Variants in PLCH2 observed in about 807,000 individuals in gnomAD.
The protein encoded by PLCH2 is phospholipase C eta 2.
PLCH2 carries 98 observed loss-of-function variants against 134.7 expected under a neutral mutation model. The observed-to-expected ratio is 0.73, with a 90% CI of 0.62 to 0.86. The LOEUF (loss-of-function observed/expected upper bound fraction) is 0.86. PLCH2 is among the 40% of genes least tolerant of loss of function. PLCH2 has a pLI of 0.00. For synonymous variants in PLCH2, 974 were observed against 827.5 expected (o/e 1.18, Z -3.04); for missense variants, 1,994 against 1,986.6 (o/e 1.00, Z -0.07).
At chr1:2,471,738 G>A (rs1292553051), upstream of PLCH2, among the ~76,000 whole-genome samples, 5 of 152,102 alleles carry the variant, frequency 3.3e-5, no homozygotes, top group South Asian at 2.1e-4. Context: ...CTGTCCCCAC[G>A]CTCTAGGACA....
At chr1:2,416,618 G>A in the PLCH2 span, among the ~76,000 whole-genome samples, 2 of 152,250 alleles carry the variant, frequency 1.3e-5, no homozygotes, top group South Asian at 2.1e-4. Flanking sequence ...GCACAGTCAG[G>A]CAGAGGCCCC....
At chr1:2,461,159 G>A (rs1055924415) in intron 2 of PLCH2, among the ~76,000 whole-genome samples, 5 of 152,338 alleles carry the variant, frequency 3.3e-5, no homozygotes, top group South Asian at 4.1e-4. Context: ...ACTGGACTCC[G>A]TGCCAGGCTG....
At chr1:2,503,769 G>T (rs745370386) in intron 21 of PLCH2, 153 bp from the exon 22 acceptor site, 3 of 615,572 alleles carry the variant, frequency 4.9e-6, no homozygotes, top group Non-Finnish European at 8.8e-6. Flanking sequence ...GCGCCCGGGG[G>T]ATGCCTCGGG....
At chr1:2,476,229 C>T (rs559732265), upstream of PLCH2, 31 of 199,658 alleles carry the variant, frequency 1.6e-4, no homozygotes, top group East Asian at 3.4e-3. Flanking sequence ...AAATCCTCCA[C>T]CAGCTGGGCT....
At chr1:2,456,108 G>A (rs958595602) in intron 2 of PLCH2, among the ~76,000 whole-genome samples, 4 of 152,218 alleles carry the variant, frequency 2.6e-5, no homozygotes, top group African/African-American at 7.2e-5. Flanking sequence ...TGTGGGTGGC[G>A]GTGTTGATGC....
chr1:2,488,765 T>A (rs1225721120), intron 8 of PLCH2, among the ~76,000 whole-genome samples: 1 of 152,244 alleles, frequency 6.6e-6, no homozygotes, highest in Non-Finnish European at 1.5e-5. Context: ...GGGACCAATG[T>A]CAGGACCCCA....
upstream of PLCH2, among the ~76,000 whole-genome samples, chr1:2,474,848 C>G (rs1032321901): frequency 2.6e-5 from 4 of 152,172 alleles, no homozygotes; most frequent in African/African-American, 9.7e-5. Context: ...CTATGGCCGT[C>G]TGGTCTGTCT....
chr1:2,500,070 G>A (rs965134988), intron 20 of PLCH2: 1 of 374,316 alleles, frequency 2.7e-6, no homozygotes, highest in African/African-American at 2.0e-5. Flanking sequence ...TCTCAGCAGG[G>A]ACCGAGTGAT....
intron 4 of PLCH2, among the ~76,000 whole-genome samples, chr1:2,482,142 G>C (rs761099059): frequency 6.6e-6 from 1 of 152,258 alleles, no homozygotes; most frequent in Non-Finnish European, 1.5e-5. Flanking sequence ...AAGATGCCAC[G>C]TGACTGTGTC....
intron 2 of PLCH2, among the ~76,000 whole-genome samples, chr1:2,459,706 T>TTCCTTTCCGGTGGTCC (rs1557970656): frequency 6.8e-6 from 1 of 146,758 alleles, no homozygotes; most frequent in Non-Finnish European, 1.5e-5. Context: ...TCCGGTGGTC[T>TTCCTTTCCGGTGGTCC]TCCTTTCCGG....
At chr1:2,438,319 G>A (rs1283516087) in intron 2 of PLCH2, among the ~76,000 whole-genome samples, 1 of 152,212 alleles carries the variant, frequency 6.6e-6, no homozygotes. Context: ...AAAGGGCAGG[G>A]CCCAGTGTCC....
upstream of PLCH2, among the ~76,000 whole-genome samples, chr1:2,476,016 C>T (rs546481147): frequency 1.6e-3 from 250 of 152,308 alleles, 2 homozygotes; most frequent in Middle Eastern, 0.017. Context: ...GGGCGCACAG[C>T]GGGGAGGCCC....
chr1:2,449,264 G>A (rs957525772), intron 2 of PLCH2, among the ~76,000 whole-genome samples: 43 of 152,184 alleles, frequency 2.8e-4, no homozygotes, highest in African/African-American at 9.4e-4. Flanking sequence ...GCTGAGGCGG[G>A]TGGATCACCT....
At chr1:2,425,455 G>A (rs1350348015), upstream of PLCH2, among the ~76,000 whole-genome samples, 1 of 152,164 alleles carries the variant, frequency 6.6e-6, no homozygotes, top group Non-Finnish European at 1.5e-5. Context: ...TTCAACACGT[G>A]GATTTCATTT....
chr1:2,502,503 C>A, intron 21 of PLCH2, 94 bp downstream of exon 21: 1 of 1,253,820 alleles, frequency 8.0e-7, no homozygotes, highest in Non-Finnish European at 1.1e-6. Context: ...ATGGCCGCCA[C>A]ATGCATGAAG....
upstream of PLCH2, among the ~76,000 whole-genome samples, chr1:2,423,929 C>A (rs561712839): frequency 6.6e-6 from 1 of 152,258 alleles, no homozygotes; most frequent in African/African-American, 2.4e-5. Context: ...TTTCCCTTCT[C>A]CCCCTCCCTT....
At position 2,480,209 on chromosome 1, in the gene PLCH2, CCGA is replaced by C; in HGVS notation, c.544_546del (p.Asp182del). 2 of 1,612,880 alleles carry C rather than the reference CCGA, an allele frequency of 1.2e-6. No homozygotes were observed. Among genetic ancestry groups the C allele is most frequent in the South Asian group, 1.1e-5 (1 of 91,082 alleles). Reference sequence around the variant, plus strand: ...TGGCTGAAGCAGACGTTTGACGAGGCCGACAAGAACGGGGATGGCAGCCTGAGC... The same window carrying C: ...TGGCTGAAGCAGACGTTTGACGAGGCCAAGAACGGGGATGGCAGCCTGAGC... On this transcript the variant is annotated inframe_deletion, in exon 4 of 22. Coordinates refer to ENST00000378486, the MANE Select transcript of PLCH2 (RefSeq NM_014638.4).
intron 2 of PLCH2, among the ~76,000 whole-genome samples, chr1:2,456,219 G>C (rs2100571177): frequency 6.6e-6 from 1 of 152,282 alleles, no homozygotes; most frequent in African/African-American, 2.4e-5. Context: ...TCACCTGGTG[G>C]GCAGTTTCTC....
chr1:2,455,672 A>G (rs1158509701), intron 2 of PLCH2, among the ~76,000 whole-genome samples: 1 of 152,120 alleles, frequency 6.6e-6, no homozygotes, highest in Non-Finnish European at 1.5e-5. Context: ...CAGAAGCTTC[A>G]GAGGAGCGGC....
Sources: gnomAD v4.1 joint callset for allele counts (sites outside exome capture counted in the v4.1 genomes callset) on GRCh38, gnomAD v4.1.1 for gene constraint, MANE v1.5 for transcripts, NCBI Gene and HGNC (gene_info 2026-07-23, HGNC 2026-07-21) for gene names.